Variants in DYNC1I2 observed in about 807,000 individuals in gnomAD.
DYNC1I2 encodes dynein cytoplasmic 1 intermediate chain 2, also known as cytoplasmic dynein 1 intermediate chain 2.
In DYNC1I2, 53 loss-of-function variants were observed where a neutral mutation model predicts 88.6. That is an observed-to-expected ratio of 0.60 (90% CI 0.48 to 0.75). The LOEUF is 0.75. Ranked by LOEUF, DYNC1I2 falls within the 30% of genes least tolerant of loss-of-function variation. The pLI is 0.00. For synonymous variants in DYNC1I2, 198 were observed against 254.6 expected, an observed-to-expected ratio of 0.78 and a Z score of 2.12; for missense variants, 458 against 766.6, an observed-to-expected ratio of 0.60 and a Z score of 4.75.
rs750645644 is a variant in DYNC1I2, at chr2:171,707,204, T to C, written c.245-83T>C. 29 of 1,597,366 alleles carry C rather than the reference T, an allele frequency of 1.8e-5. No individual in the cohort carries two copies. In the African/African-American group the frequency reaches 3.6e-4, roughly 20 times the overall value. ...GTTTTTTTCTTTTTTGTTAATTACT[T>C]CATTAAATTATTTTTGAAACGTCAT... is the stretch of plus-strand genomic sequence containing the variant. On this transcript the variant is annotated intron_variant, in intron 4 of 17. Transcript: ENST00000397119.
At chr2:171,690,025 G>A in intron 1 of DYNC1I2, 122 bp from the exon 2 acceptor site, 1 of 496,094 alleles carries the variant, frequency 2.0e-6, no homozygotes, top group Non-Finnish European at 3.5e-6. Context: ...TTAAAAGTAA[G>A]GTTTTTGTGC....
intron 3 of DYNC1I2, among the ~76,000 whole-genome samples, chr2:171,700,597 A>G (rs376105334): frequency 5.9e-5 from 9 of 152,254 alleles, no homozygotes; most frequent in African/African-American, 1.9e-4. Flanking sequence ...AATCGTAACT[A>G]TAACCAGCTT....
At chr2:171,712,989 G>T (rs374641965) in intron 6 of DYNC1I2, among the ~76,000 whole-genome samples, 163 bp downstream of exon 6, 1 of 152,114 alleles carries the variant, frequency 6.6e-6, no homozygotes, top group South Asian at 2.1e-4. Flanking sequence ...TTTAGTGAAA[G>T]AATATTCTGT....
chr2:171,725,772 T>TTACC (rs148511744), intron 8 of DYNC1I2, 59 bp downstream of exon 8: 2 of 1,157,420 alleles, frequency 1.7e-6, no homozygotes, highest in African/African-American at 8.0e-5. Flanking sequence ...ATTCCTTTTA[T>TTACC]TATGTATTAA....
At chr2:171,721,947 T>C (rs1238646194) in intron 7 of DYNC1I2, among the ~76,000 whole-genome samples, 1 of 152,194 alleles carries the variant, frequency 6.6e-6, no homozygotes, top group Non-Finnish European at 1.5e-5. Flanking sequence ...AGATACTGTA[T>C]ATTACCTTTT....
intron 13 of DYNC1I2, 81 bp from the exon 14 acceptor site, chr2:171,728,636 A>G (rs528893684): frequency 5.7e-6 from 7 of 1,217,668 alleles, no homozygotes; most frequent in Non-Finnish European, 5.6e-6. Context: ...AGAATTGTTT[A>G]CAATCAAAGA....
intron 15 of DYNC1I2, among the ~76,000 whole-genome samples, chr2:171,730,915 T>C (rs191671436): frequency 1.8e-3 from 270 of 152,310 alleles, no homozygotes; most frequent in African/African-American, 6.4e-3. Flanking sequence ...TTGTCCTTTC[T>C]TGATGCCTCC....
intron 3 of DYNC1I2, among the ~76,000 whole-genome samples, chr2:171,695,395 G>A (rs1483897910): frequency 6.6e-6 from 1 of 151,852 alleles, no homozygotes; most frequent in Admixed American, 6.6e-5. Context: ...CACCATGCCC[G>A]GCCCACTTTT....
At chr2:171,711,137 T>C (rs1482853488) in intron 5 of DYNC1I2, among the ~76,000 whole-genome samples, 1 of 151,862 alleles carries the variant, frequency 6.6e-6, no homozygotes, top group Non-Finnish European at 1.5e-5. Context: ...TTTGTCCTTG[T>C]GATAGTTTGC....
intron 3 of DYNC1I2, among the ~76,000 whole-genome samples, chr2:171,704,498 G>T (rs116539725): frequency 0.024 from 3,664 of 152,116 alleles, 61 homozygotes; most frequent in Non-Finnish European, 0.032. Context: ...GGCTGTTTAT[G>T]TGCAGAACTG....
chr2:171,729,920 A>G, intron 15 of DYNC1I2, 67 bp downstream of exon 15: 5 of 1,546,266 alleles, frequency 3.2e-6, no homozygotes, highest in Non-Finnish European at 4.4e-6. Context: ...CTAATACTAC[A>G]TAGGAATGAT....
In DYNC1I2 at chr2:171,715,440, G is replaced by A; in HGVS notation, c.508G>A (p.Glu170Lys). 1 of 1,548,690 alleles carries A rather than the reference G, an allele frequency of 6.5e-7. No individual in the cohort carries two copies. Among genetic ancestry groups the A allele is most frequent in the Non-Finnish European group, 8.8e-7 (1 of 1,139,230 alleles). ...TQTPVMAQPK[E>K]DEEEDDDVVA... ...GACTCCAGTTATGGCTCAACCCAAAGAAGGTGAATATCTATCCTTAGTATA... is the reference window on the plus strand; with the variant it reads ...GACTCCAGTTATGGCTCAACCCAAAAAAGGTGAATATCTATCCTTAGTATA... The change falls in exon 7 of 18, where the codon GAA becomes AAA. Residue 170 changes from glutamate to lysine, a missense_variant. Physicochemically the swap from Glu to Lys is moderately conservative, Grantham distance 56 (BLOSUM62 1). Around this residue, in one of 5 missense-constraint regions of DYNC1I2, gnomAD observed 203 missense variants for 354.2 expected, o/e 0.57. Transcript: ENST00000397119.
intron 13 of DYNC1I2, 58 bp downstream of exon 13, chr2:171,728,476 T>C: frequency 9.4e-7 from 1 of 1,060,928 alleles, no homozygotes; most frequent in Non-Finnish European, 1.4e-6. Context: ...TAAGTGTATG[T>C]GTACCTCAAC....
intron 3 of DYNC1I2, among the ~76,000 whole-genome samples, chr2:171,694,583 G>C (rs953663686): frequency 6.6e-6 from 1 of 152,060 alleles, no homozygotes; most frequent in African/African-American, 2.4e-5. Context: ...CTTGAACCTG[G>C]GAGGCAGAGG....
At chr2:171,711,280 G>A (rs919176124) in intron 5 of DYNC1I2, among the ~76,000 whole-genome samples, 2 of 152,092 alleles carry the variant, frequency 1.3e-5, no homozygotes, top group Non-Finnish European at 1.5e-5. Context: ...CAGGATGACC[G>A]GTGTGAGCCA....
chr2:171,714,519 G>A (rs1687351433), intron 6 of DYNC1I2, among the ~76,000 whole-genome samples: 1 of 151,942 alleles, frequency 6.6e-6, no homozygotes, highest in Non-Finnish European at 1.5e-5. Context: ...ATTTGGTTTA[G>A]GATTTAAACA....
chr2:171,742,772 C>G lies in DYNC1I2; in HGVS notation c.1537-1277C>G, dbSNP rs185073767. Among the ~76,000 whole-genome samples, 93 of 152,296 alleles carry G rather than the reference C, an allele frequency of 6.1e-4. 1 individual carries two copies. The highest frequency in any genetic ancestry group is 2.0e-3 in the African/African-American group (83 of 41,560). On this transcript the variant is annotated intron_variant, in intron 15 of 17. Transcript: ENST00000397119. ...TGAGATGTGCCTTTTCTGCTTCTCTCCACCACTTCTGTCTGAACTTACTGC... is the reference window on the plus strand; with the variant it reads ...TGAGATGTGCCTTTTCTGCTTCTCTGCACCACTTCTGTCTGAACTTACTGC...
At chr2:171,723,075 A>G (rs1420864268) in intron 7 of DYNC1I2, among the ~76,000 whole-genome samples, 1 of 152,220 alleles carries the variant, frequency 6.6e-6, no homozygotes, top group Admixed American at 6.5e-5. Flanking sequence ...TTAAAAGGAA[A>G]AGAGTGTCTA....
intron 9 of DYNC1I2, 38 bp from the exon 10 acceptor site, chr2:171,726,156 A>G (rs1483146954): frequency 6.3e-7 from 1 of 1,586,398 alleles, no homozygotes; most frequent in Non-Finnish European, 8.6e-7. Context: ...TAAAAGTTAT[A>G]ACACCATCTT....
Sources: allele counts gnomAD v4.1 joint callset (sites outside exome capture counted in the v4.1 genomes callset), GRCh38; gene constraint gnomAD v4.1.1; regional missense constraint gnomAD v4.1.1; transcripts MANE v1.5; gene names NCBI Gene and HGNC (gene_info 2026-07-23, HGNC 2026-07-21).